IRAG1: variants seen among roughly 807,000 people sequenced by gnomAD.
IRAG1 encodes the protein inositol 1,4,5-triphosphate receptor associated 1, also known as IP3R-associated cGMP kinase substrate.
A neutral mutation model predicts 106.2 loss-of-function variants in IRAG1; 62 were observed. The observed-to-expected ratio is 0.58, with a 90% CI of 0.48 to 0.72. The LOEUF (loss-of-function observed/expected upper bound fraction) is 0.72. Ranked by LOEUF, IRAG1 falls within the 30% of genes least tolerant of loss-of-function variation. The probability of loss-of-function intolerance (pLI) is 0.00; values close to 1 mark genes in which losing one functional copy is unlikely to be tolerated. For synonymous variants in IRAG1, 462 were observed against 443.9 expected, an observed-to-expected ratio of 1.04 and a Z score of -0.51; for missense variants, 1,064 against 1,140.7, an observed-to-expected ratio of 0.93 and a Z score of 0.97.
chr11:10,619,909 G>A (rs979046339), intron 10 of IRAG1, among the ~76,000 whole-genome samples: 3 of 152,120 alleles, frequency 2.0e-5, no homozygotes, highest in African/African-American at 7.2e-5. Flanking sequence ...AAAATTTGGT[G>A]CTTATAGGAG....
chr11:10,591,710 C>G (rs938645444), intron 17 of IRAG1, 98 bp from the exon 18 acceptor site: 1 of 1,096,784 alleles, frequency 9.1e-7, no homozygotes, highest in South Asian at 1.3e-5. Context: ...GGGGCTGCTG[C>G]TTCTCCTCTT....
chr11:10,687,151 C>T (rs1246119188), intron 1 of IRAG1, among the ~76,000 whole-genome samples: 12 of 152,180 alleles, frequency 7.9e-5, no homozygotes, highest in Non-Finnish European at 2.9e-5. Flanking sequence ...ATGTGGCAAC[C>T]CCTGCAGCCT....
chr11:10,593,975 A>G (rs555698208), intron 16 of IRAG1, 171 bp downstream of exon 16: 3 of 643,394 alleles, frequency 4.7e-6, no homozygotes, highest in African/African-American at 3.7e-5. Flanking sequence ...ACCATGAGCA[A>G]GAAAGGTAAG....
At chr11:10,589,586 G>C (rs1852409388) in intron 18 of IRAG1, among the ~76,000 whole-genome samples, 2 of 152,160 alleles carry the variant, frequency 1.3e-5, no homozygotes, top group Admixed American at 1.3e-4. Flanking sequence ...GTTTTAAATG[G>C]AAATCACTTA....
intron 18 of IRAG1, 119 bp from the exon 19 acceptor site, chr11:10,582,105 A>C: frequency 1.6e-6 from 2 of 1,241,016 alleles, no homozygotes; most frequent in Non-Finnish European, 2.2e-6. Flanking sequence ...TTTTTCAGTA[A>C]CTTTCAGATT....
At chr11:10,683,905 A>C (rs1341991945) in intron 1 of IRAG1, among the ~76,000 whole-genome samples, 5 of 151,322 alleles carry the variant, frequency 3.3e-5, no homozygotes, top group Non-Finnish European at 7.4e-5. Context: ...AAAAAAAAGC[A>C]TGATTTTCAA....
chr11:10,685,678 T>C (rs1014619565), intron 1 of IRAG1, among the ~76,000 whole-genome samples: 1 of 149,302 alleles, frequency 6.7e-6, no homozygotes, highest in African/African-American at 2.5e-5. Flanking sequence ...GCTGTGACTA[T>C]ACCACTGCAC....
chr11:10,652,347 G>T (rs1858595752), intron 1 of IRAG1, 165 bp from the exon 2 acceptor site: 1 of 1,438,470 alleles, frequency 7.0e-7, no homozygotes, highest in Admixed American at 2.9e-5. Context: ...ATTTCCTCCG[G>T]CTCTCTGGCT....
At position 10,661,128 on chromosome 11, in the gene IRAG1, C is replaced by T. The variant is rs180689263; in HGVS notation, c.68-8946G>A. Among the ~76,000 whole-genome samples, 17 of 152,170 alleles carry T rather than the reference C, an allele frequency of 1.1e-4. No individual in the cohort carries two copies. The East Asian group carries it at 3.1e-3, about 28-fold the overall frequency. ...TCTGAGTCAAGCTCCTAGCCCCTCTCTCGAGGCTGATCCCCTCTTTCAACC... is the reference window on the plus strand; with the variant it reads ...TCTGAGTCAAGCTCCTAGCCCCTCTTTCGAGGCTGATCCCCTCTTTCAACC... On this transcript the variant is annotated intron_variant, in intron 1 of 20. Transcript: ENST00000423302.
chr11:10,693,518 G>T lies in IRAG1; in HGVS notation c.67+18C>A. 2 of 1,535,540 alleles carry T rather than the reference G, an allele frequency of 1.3e-6. No individual in the cohort carries two copies. Among genetic ancestry groups the T allele is most frequent in the Non-Finnish European group, 8.7e-7 (1 of 1,146,816 alleles). ...CAGCCGAAGAGGCAGGTTATTCTAG[G>T]ATATAGGGGAGGCTTACCTAAAACT... On this transcript the variant is annotated intron_variant, in intron 1 of 20. Coordinates refer to ENST00000423302, the MANE Select transcript of IRAG1 (RefSeq NM_130385.4).
At chr11:10,658,047 G>C (rs1156576709) in intron 1 of IRAG1, among the ~76,000 whole-genome samples, 1 of 152,210 alleles carries the variant, frequency 6.6e-6, no homozygotes, top group Non-Finnish European at 1.5e-5. Flanking sequence ...GGCGTCCTTC[G>C]GCAGTGACTC....
intron 1 of IRAG1, among the ~76,000 whole-genome samples, chr11:10,655,439 T>C (rs1430501594): frequency 1.3e-5 from 2 of 152,044 alleles, no homozygotes; most frequent in Non-Finnish European, 2.9e-5. Context: ...GGTTTTACTG[T>C]TCCCAAAGAA....
chr11:10,583,741 A>C (rs570036321), intron 18 of IRAG1, among the ~76,000 whole-genome samples: 1 of 152,284 alleles, frequency 6.6e-6, no homozygotes, highest in East Asian at 1.9e-4. Context: ...TGCAAAAGGA[A>C]ATAGGGACAG....
Position 10,604,562 on chromosome 11 carries a change from T to C in IRAG1, c.1603-17A>G. 1.2e-6 allele frequency: 2 copies of C among 1,613,876 alleles called. No individual in the cohort carries two copies. Among genetic ancestry groups the C allele is most frequent in the Non-Finnish European group, 1.7e-6 (2 of 1,179,826 alleles). ...AAACACGTTCTGTTGGGAACAAGGG[T>C]GTGAGAGAGGTGCTGGGAGGAGTTA... On this transcript the variant is annotated splice_polypyrimidine_tract_variant and intron_variant, in intron 12 of 20. Transcript: ENST00000423302.
intron 15 of IRAG1, among the ~76,000 whole-genome samples, chr11:10,599,334 T>G (rs1184338672): frequency 6.6e-6 from 1 of 152,182 alleles, no homozygotes; most frequent in Admixed American, 6.5e-5. Context: ...CGAATGAGAC[T>G]CATGGGTAAC....
At chr11:10,633,285 C>T (rs576241803) in intron 3 of IRAG1, among the ~76,000 whole-genome samples, 9 of 152,226 alleles carry the variant, frequency 5.9e-5, no homozygotes, top group South Asian at 2.1e-4. Flanking sequence ...CTGTGTTAGC[C>T]AGGATGGTCT....
chr11:10,615,792 G>C (rs1174027136), intron 10 of IRAG1, among the ~76,000 whole-genome samples: 1 of 151,846 alleles, frequency 6.6e-6, no homozygotes, highest in Non-Finnish European at 1.5e-5. Context: ...TGGGGTCCGG[G>C]GGATGGGGGA....
rs56768282 is a variant in IRAG1 at position 10,584,548 on chromosome 11, A to AATATATATATATATAT, written c.2241-2578_2241-2563dup. On this transcript the variant is annotated intron_variant, in intron 18 of 20. Coordinates refer to ENST00000423302, the MANE Select transcript of IRAG1 (RefSeq NM_130385.4). ...GGCAGGGAAAGTAATTCTTTCATGA[A>AATATATATATATATAT]ATATATATATATATATATATATATA... Among the ~76,000 whole-genome samples the AATATATATATATATAT allele has an allele frequency of 5.0e-3, 495 of 98,514 alleles. 11 individuals are homozygous for AATATATATATATATAT. Among genetic ancestry groups the AATATATATATATATAT allele is most frequent in the Middle Eastern group, 0.018 (3 of 166 alleles). The allele number at this position is 98,514 out of a possible 152,430, so 64.6% of individuals were successfully genotyped here. A position where few individuals can be genotyped will look rare whatever the true frequency, so the allele number is the denominator to read the frequency against.
rs115317132 is a variant in IRAG1, at chr11:10,627,206, T to C, written c.750+510A>G. Among the ~76,000 whole-genome samples, 335 of 152,248 alleles carry C rather than the reference T, an allele frequency of 2.2e-3. 1 individual carries two copies. Among genetic ancestry groups the C allele is most frequent in the African/African-American group, 7.6e-3 (317 of 41,532 alleles). ...GTGGCTGCCTCGTGTGTGCTGAGAC[T>C]CTTCCAGAGGACTGTATCCCAGACC... is the stretch of plus-strand genomic sequence containing the variant. On this transcript the variant is annotated intron_variant, in intron 8 of 20. Transcript: ENST00000423302.
Sources: allele counts gnomAD v4.1 joint callset (sites outside exome capture counted in the v4.1 genomes callset), GRCh38; gene constraint gnomAD v4.1.1; transcripts MANE v1.5; gene names NCBI Gene and HGNC (gene_info 2026-07-23, HGNC 2026-07-21).